LRFN5: variants seen among roughly 807,000 people sequenced by gnomAD.
The protein encoded by LRFN5 is leucine rich repeat and fibronectin type III domain containing 5, also known as leucine-rich repeat and fibronectin type-III domain-containing protein 5.
In LRFN5, 24 loss-of-function variants were observed where a neutral mutation model predicts 45.6. The ratio of observed to expected loss-of-function variants is 0.53; its 90% CI spans 0.38 to 0.74. The LOEUF is 0.74. Among genes scored for constraint, LRFN5 ranks in the 30% least tolerant of loss-of-function variants. The probability of loss-of-function intolerance (pLI) is 0.00; values close to 1 mark genes in which losing one functional copy is unlikely to be tolerated. For missense variants in LRFN5, 776 were observed against 861.5 expected (o/e 0.90, Z 1.24); for synonymous variants, 340 against 313.8 (o/e 1.08, Z -0.88).
chr14:41,804,929 C>A (rs1432078465), intron 2 of LRFN5, among the ~76,000 whole-genome samples: 1 of 151,790 alleles, frequency 6.6e-6, no homozygotes, highest in African/African-American at 2.4e-5. Flanking sequence ...TTTGAAATGT[C>A]AGCTCATTAA....
At position 41,880,131 on chromosome 14, in the gene LRFN5, A is replaced by G. The variant is rs78846553; in HGVS notation, c.-20-6475A>G. Among the ~76,000 whole-genome samples, 1,588 of 151,526 alleles carry G rather than the reference A, an allele frequency of 0.01. 56 individuals are homozygous for G. The East Asian group carries it at 0.14, about 14-fold the overall frequency. On this transcript the variant is annotated intron_variant, in intron 2 of 5. Coordinates refer to ENST00000298119, the MANE Select transcript of LRFN5 (RefSeq NM_152447.5). ...TTTAGTAGAGATGGGGTTTCACCGT[A>G]TTAGCCAGGATGGTCTCGATCTCCT...
chr14:41,734,324 A>ATATATG (rs1413192082), intron 1 of LRFN5, among the ~76,000 whole-genome samples: 7 of 93,360 alleles, frequency 7.5e-5, no homozygotes, highest in Non-Finnish European at 1.6e-4. Flanking sequence ...TTTTATATAT[A>ATATATG]TATATATATA....
In LRFN5 at chr14:41,616,026, T is replaced by A. The variant is rs75464899; in HGVS notation, c.-197+7464T>A. ...GTTTGATCACAGGATTAAACGTATT[T>A]GCTATTATGAATCTTGACACTTTTT... On this transcript the variant is annotated intron_variant, in intron 1 of 5. Coordinates refer to ENST00000298119, the MANE Select transcript of LRFN5 (RefSeq NM_152447.5). 2.4e-4 allele frequency among the ~76,000 whole-genome samples: 36 copies of A among 152,300 alleles called. 1 individual carries two copies. The East Asian group carries it at 5.4e-3, about 23-fold the overall frequency.
chr14:41,646,502 A>G (rs574531756), intron 1 of LRFN5, among the ~76,000 whole-genome samples: 1 of 152,094 alleles, frequency 6.6e-6, no homozygotes, highest in East Asian at 1.9e-4. Context: ...AGGGACACAG[A>G]CCCCTTTTCT....
At chr14:41,855,855 A>C (rs72670403) in intron 2 of LRFN5, among the ~76,000 whole-genome samples, 2,113 of 152,312 alleles carry the variant, frequency 0.014, 28 homozygotes, top group South Asian at 0.045. Flanking sequence ...TTGTGAAACT[A>C]TGTATCACTG....
chr14:41,628,521 T>C (rs1480306040), intron 1 of LRFN5, among the ~76,000 whole-genome samples: 1 of 152,034 alleles, frequency 6.6e-6, no homozygotes, highest in African/African-American at 2.4e-5. Context: ...GGAGGATCAC[T>C]TGAGGCCAGG....
chr14:41,880,717 A>G (rs1227765041), intron 2 of LRFN5, among the ~76,000 whole-genome samples: 1 of 152,134 alleles, frequency 6.6e-6, no homozygotes, highest in Non-Finnish European at 1.5e-5. Flanking sequence ...TTAATAGTGA[A>G]AGAGAAGAGT....
intron 2 of LRFN5, among the ~76,000 whole-genome samples, chr14:41,886,171 T>C (rs951155893): frequency 6.6e-6 from 1 of 152,170 alleles, no homozygotes; most frequent in Non-Finnish European, 1.5e-5. Context: ...GGCTACTGAA[T>C]TGACCTACTT....
At chr14:41,849,569 A>C (rs1486122846) in intron 2 of LRFN5, among the ~76,000 whole-genome samples, 2 of 151,864 alleles carry the variant, frequency 1.3e-5, no homozygotes, top group Non-Finnish European at 2.9e-5. Flanking sequence ...CTTTCTATAT[A>C]TTCTCCTACT....
chr14:41,701,360 G>A (rs987435465), intron 1 of LRFN5: 7 of 152,086 alleles, frequency 4.6e-5, no homozygotes, highest in African/African-American at 1.7e-4. Context: ...TATACCAATG[G>A]GGACCTAAGC....
chr14:41,890,141 G>T (rs937546294), intron 3 of LRFN5, among the ~76,000 whole-genome samples: 1 of 152,082 alleles, frequency 6.6e-6, no homozygotes, highest in African/African-American at 2.4e-5. Flanking sequence ...TGGGATTACA[G>T]GCATGAGCCA....
chr14:41,883,834 A>G (rs1468419604), intron 2 of LRFN5, among the ~76,000 whole-genome samples: 1 of 152,158 alleles, frequency 6.6e-6, no homozygotes. Context: ...TTTTAATAAC[A>G]TTCAACAAAT....
intron 1 of LRFN5, among the ~76,000 whole-genome samples, chr14:41,649,764 T>A (rs2138615947): frequency 6.6e-6 from 1 of 152,288 alleles, no homozygotes; most frequent in Admixed American, 6.5e-5. Flanking sequence ...ACGTTTCCTC[T>A]TAGTAATTTT....
intron 2 of LRFN5, among the ~76,000 whole-genome samples, chr14:41,866,619 G>A (rs977117495): frequency 3.9e-4 from 59 of 152,006 alleles, no homozygotes; most frequent in African/African-American, 1.3e-3. Flanking sequence ...TGATAACCCC[G>A]TGCCATTTTA....
chr14:41,761,696 A>T (rs924943718), intron 1 of LRFN5, among the ~76,000 whole-genome samples: 3 of 152,180 alleles, frequency 2.0e-5, no homozygotes, highest in African/African-American at 7.2e-5. Flanking sequence ...AAAAAAGTTT[A>T]TAACACTTTG....
At chr14:41,738,215 T>C (rs1884530506) in intron 1 of LRFN5, among the ~76,000 whole-genome samples, 1 of 152,146 alleles carries the variant, frequency 6.6e-6, no homozygotes. Flanking sequence ...GTCTGACCTT[T>C]GACAAACCTG....
At chr14:41,674,741 G>T (rs1207102461) in intron 1 of LRFN5, among the ~76,000 whole-genome samples, 1 of 151,780 alleles carries the variant, frequency 6.6e-6, no homozygotes, top group African/African-American at 2.4e-5. Context: ...TGGCTGCCGG[G>T]CGGAGACGCT....
chr14:41,678,138 G>A (rs180831703), intron 1 of LRFN5, among the ~76,000 whole-genome samples: 53 of 152,032 alleles, frequency 3.5e-4, no homozygotes, highest in Non-Finnish European at 6.2e-4. Flanking sequence ...AAAAGAGCTA[G>A]AGTGGATATA....
chr14:41,664,358 C>T (rs759188242), intron 1 of LRFN5, among the ~76,000 whole-genome samples: 5 of 151,596 alleles, frequency 3.3e-5, no homozygotes, highest in Non-Finnish European at 7.4e-5. Context: ...TTGTCTGTGC[C>T]ATCATTTTGT....
Sources: gnomAD v4.1 joint callset for allele counts (sites outside exome capture counted in the v4.1 genomes callset) on GRCh38, gnomAD v4.1.1 for gene constraint, MANE v1.5 for transcripts, NCBI Gene and HGNC (gene_info 2026-07-23, HGNC 2026-07-21) for gene names.